The following CNTN4 variants were observed in gnomAD, a reference collection of about 807,000 sequenced individuals.
CNTN4 encodes contactin-4.
A neutral mutation model predicts 122.5 loss-of-function variants in CNTN4; 77 were observed. The observed-to-expected ratio is 0.63, with a 90% CI of 0.52 to 0.76. CNTN4 has a LOEUF of 0.76. Among genes scored for constraint, CNTN4 ranks in the 30% least tolerant of loss-of-function variants. The pLI is 0.00. For synonymous variants in CNTN4, 512 were observed against 447.0 expected (o/e 1.15, Z -1.83); for missense variants, 1,256 against 1,259.1 (o/e 1.00, Z 0.04).
chr3:2,513,476 G>A (rs907110013), intron 3 of CNTN4, among the ~76,000 whole-genome samples: 3 of 151,912 alleles, frequency 2.0e-5, no homozygotes, highest in Non-Finnish European at 4.4e-5. Context: ...TGAGTAAATA[G>A]TGTTCTTTTG....
chr3:2,984,751 G>A lies in CNTN4; in HGVS notation c.1359-3594G>A, dbSNP rs1694393742. On this transcript the variant is annotated intron_variant, in intron 13 of 24. Coordinates refer to ENST00000418658, the MANE Select transcript of CNTN4 (RefSeq NM_175607.3). ...GTATAAGTTATTAATAGGTGTTTTTGCTTTTAAAGAGTCATCTCACCCCTC... is the reference window on the plus strand; with the variant it reads ...GTATAAGTTATTAATAGGTGTTTTTACTTTTAAAGAGTCATCTCACCCCTC... Among the ~76,000 whole-genome samples the A allele has an allele frequency of 3.3e-5, 5 of 152,152 alleles. No individual in the cohort carries two copies. In the South Asian group the frequency reaches 1.0e-3, roughly 31 times the overall value.
At chr3:2,335,543 T>C (rs967009018) in intron 2 of CNTN4, among the ~76,000 whole-genome samples, 1 of 151,046 alleles carries the variant, frequency 6.6e-6, no homozygotes, top group Non-Finnish European at 1.5e-5. Context: ...TCTTTCCCCC[T>C]GTAAAGCAGC....
At chr3:2,230,673 C>T (rs927557293) in intron 2 of CNTN4, among the ~76,000 whole-genome samples, 1 of 152,134 alleles carries the variant, frequency 6.6e-6, no homozygotes, top group East Asian at 1.9e-4. Context: ...TGTTATGTGT[C>T]TGCACTGTTT....
intron 13 of CNTN4, among the ~76,000 whole-genome samples, chr3:2,974,754 G>A (rs971014537): frequency 2.5e-4 from 38 of 152,146 alleles, no homozygotes; most frequent in African/African-American, 9.2e-4. Flanking sequence ...TGACAGTGGT[G>A]TTCTATCATG....
intron 2 of CNTN4, among the ~76,000 whole-genome samples, chr3:2,328,376 A>G (rs1276127526): frequency 6.6e-6 from 1 of 151,930 alleles, no homozygotes; most frequent in East Asian, 2.0e-4. Context: ...ACCGCCCTCC[A>G]GCCTGGGCGA....
chr3:2,465,909 G>C (rs1397934079), intron 3 of CNTN4, among the ~76,000 whole-genome samples: 1 of 152,168 alleles, frequency 6.6e-6, no homozygotes, highest in Non-Finnish European at 1.5e-5. Flanking sequence ...CTAAAATGGA[G>C]TGTGCAATTC....
chr3:2,176,554 G>T (rs13073858), intron 2 of CNTN4, among the ~76,000 whole-genome samples: 43,378 of 152,010 alleles, frequency 0.29, 7,857 homozygotes, highest in Non-Finnish European at 0.42. Flanking sequence ...ACAATGCTAA[G>T]TAAACAGTTC....
chr3:2,340,475 A>C (rs753854566), intron 3 of CNTN4, among the ~76,000 whole-genome samples: 7 of 151,432 alleles, frequency 4.6e-5, no homozygotes, highest in Non-Finnish European at 1.0e-4. Flanking sequence ...CCTCAGTTAA[A>C]AAAAATAATA....
At chr3:2,476,957 G>A (rs967890755) in intron 3 of CNTN4, among the ~76,000 whole-genome samples, 1 of 152,076 alleles carries the variant, frequency 6.6e-6, no homozygotes, top group Admixed American at 6.6e-5. Flanking sequence ...CAGGATTTTA[G>A]CTACTTTTTG....
Position 2,917,014 on chromosome 3 carries a change from T to C in CNTN4, c.1208-8615T>C, listed in dbSNP as rs1375237849. On this transcript the variant is annotated intron_variant, in intron 12 of 24. Coordinates refer to ENST00000418658, the MANE Select transcript of CNTN4 (RefSeq NM_175607.3). ...CACTGCACTCCAGCCTGGGCACCAT[T>C]GAGCACTGAGTGAACCAGACTCCGT... Among the ~76,000 whole-genome samples, 89 of 125,212 alleles carry C rather than the reference T, an allele frequency of 7.1e-4. 2 individuals carry two copies. The highest frequency in any genetic ancestry group is 1.4e-3 in the African/African-American group (48 of 33,862). The allele number at this position is 125,212 out of a possible 152,430, so 82.1% of individuals were successfully genotyped here.
chr3:2,176,079 T>A (rs977448737), intron 2 of CNTN4, among the ~76,000 whole-genome samples: 4 of 152,170 alleles, frequency 2.6e-5, no homozygotes, highest in African/African-American at 9.7e-5. Context: ...ATATGTTGAG[T>A]CTAAATGCAC....
chr3:2,561,619 A>G lies in CNTN4; in HGVS notation c.-88-9797A>G, dbSNP rs926067661. 2.0e-5 allele frequency among the ~76,000 whole-genome samples: 3 copies of G among 152,210 alleles called. No individual in the cohort carries two copies. In the South Asian group the frequency reaches 6.2e-4, roughly 32 times the overall value. The stretch of plus-strand genomic sequence containing the variant: ...GCCGACTCAAACTTTTTCTAGCAGA[A>G]TCCAATTATATGGATTTTCTCTCAT... On this transcript the variant is annotated intron_variant, in intron 3 of 24. Coordinates refer to ENST00000418658, the MANE Select transcript of CNTN4 (RefSeq NM_175607.3).
At chr3:2,612,903 G>T (rs992034322) in intron 4 of CNTN4, among the ~76,000 whole-genome samples, 1 of 152,150 alleles carries the variant, frequency 6.6e-6, no homozygotes, top group Non-Finnish European at 1.5e-5. Context: ...TAGCCTTAGT[G>T]ACCTTGAGAC....
intron 3 of CNTN4, among the ~76,000 whole-genome samples, chr3:2,445,974 T>C (rs1162411260): frequency 6.6e-6 from 1 of 152,164 alleles, no homozygotes; most frequent in Admixed American, 6.6e-5. Context: ...TTTTTCTGTT[T>C]CCTGTAGCAC....
At chr3:2,963,476 C>T (rs1452784896) in intron 13 of CNTN4, among the ~76,000 whole-genome samples, 1 of 152,176 alleles carries the variant, frequency 6.6e-6, no homozygotes, top group Non-Finnish European at 1.5e-5. Context: ...TACCACTCCA[C>T]TCACCCATCC....
intron 13 of CNTN4, among the ~76,000 whole-genome samples, chr3:2,957,647 A>G (rs541912803): frequency 3.3e-5 from 5 of 152,118 alleles, no homozygotes; most frequent in African/African-American, 9.6e-5. Context: ...TTCTATGTCC[A>G]TGTGTACTCA....
chr3:2,330,380 C>G (rs1250958066), intron 2 of CNTN4, among the ~76,000 whole-genome samples: 1 of 152,030 alleles, frequency 6.6e-6, no homozygotes, highest in Non-Finnish European at 1.5e-5. Flanking sequence ...AAACCATTGG[C>G]CAGTGGTGGT....
intron 2 of CNTN4, among the ~76,000 whole-genome samples, chr3:2,218,062 C>T (rs962724481): frequency 3.9e-5 from 6 of 152,014 alleles, no homozygotes; most frequent in Admixed American, 3.3e-4. Flanking sequence ...AAAACAGGCA[C>T]GTGAAGATCA....
chr3:2,634,452 A>T (rs2150063264), intron 4 of CNTN4, among the ~76,000 whole-genome samples: 1 of 152,292 alleles, frequency 6.6e-6, no homozygotes. Flanking sequence ...GAAGGATATT[A>T]CTTTTTGAAA....
Sources: gnomAD v4.1 joint callset for allele counts (sites outside exome capture counted in the v4.1 genomes callset) on GRCh38, gnomAD v4.1.1 for gene constraint, MANE v1.5 for transcripts, NCBI Gene and HGNC (gene_info 2026-07-23, HGNC 2026-07-21) for gene names.